The following NDUFA10 variants were observed in gnomAD, a reference collection of about 807,000 sequenced individuals.
NDUFA10 encodes NADH dehydrogenase [ubiquinone] 1 alpha subcomplex subunit 10, mitochondrial.
A neutral mutation model predicts 47.8 loss-of-function variants in NDUFA10; 40 were observed. The observed-to-expected ratio is 0.84, with a 90% CI of 0.65 to 1.09. The LOEUF (loss-of-function observed/expected upper bound fraction) is 1.09. NDUFA10 is among the 50% of genes least tolerant of loss of function. The pLI, the probability that NDUFA10 is intolerant of heterozygous loss-of-function variation, is 0.00. For missense variants in NDUFA10, 413 were observed against 451.1 expected (o/e 0.92, Z 0.76); for synonymous variants, 183 against 172.2 (o/e 1.06, Z -0.49).
At chr2:239,991,829 TAAG>T (rs950048533) in intron 8 of NDUFA10, among the ~76,000 whole-genome samples, 1 of 152,196 alleles carries the variant, frequency 6.6e-6, no homozygotes, top group African/African-American at 2.4e-5. Context: ...TTGAAAAACC[TAAG>T]AAAATGCTAG....
chr2:239,909,786 A>G, intron 4 of NDUFA10, among the ~76,000 whole-genome samples: 1 of 152,226 alleles, frequency 6.6e-6, no homozygotes, highest in East Asian at 1.9e-4. Flanking sequence ...GCACAGCAAA[A>G]GAAACTATCT....
At chr2:239,946,472 C>T (rs1165190956) in intron 4 of NDUFA10, among the ~76,000 whole-genome samples, 3 of 152,240 alleles carry the variant, frequency 2.0e-5, no homozygotes, top group Non-Finnish European at 4.4e-5. Flanking sequence ...GCCCTCCCCG[C>T]AGGCACTGCG....
intron 4 of NDUFA10, among the ~76,000 whole-genome samples, chr2:239,951,232 G>A (rs555290307): frequency 3.9e-5 from 6 of 152,342 alleles, no homozygotes; most frequent in Admixed American, 3.9e-4. Flanking sequence ...TGGGACCCGG[G>A]GTGCCCACAG....
In NDUFA10 at chr2:239,959,331, T is replaced by C. The variant is rs941983829; in HGVS notation, c.*1787A>G. On this transcript the variant is annotated 3_prime_UTR_variant, in exon 10 of 10. Coordinates refer to ENST00000252711, the MANE Select transcript of NDUFA10 (RefSeq NM_004544.4). Reference sequence around the variant, plus strand: ...CCTGCCCTCTCACTGCTGAGGACACTACCCGTGCAACCACCAAGGTTGAAG... The same window carrying C: ...CCTGCCCTCTCACTGCTGAGGACACCACCCGTGCAACCACCAAGGTTGAAG... 2.0e-6 allele frequency: 2 copies of C among 985,376 alleles called. No individual in the cohort carries two copies. Among genetic ancestry groups the C allele is most frequent in the African/African-American group, 1.7e-5 (1 of 57,252 alleles). 61.0% of individuals were successfully genotyped at this position (985,376 alleles called of 1,614,324 possible).
At position 239,919,011 on chromosome 2, in the gene NDUFA10, C is replaced by A. The variant is rs188953935; in HGVS notation, c.295-23697G>T. Among the ~76,000 whole-genome samples, 230 of 152,354 alleles carry A rather than the reference C, an allele frequency of 1.5e-3. 4 individuals are homozygous for A. Among genetic ancestry groups the A allele is most frequent in the African/African-American group, 4.9e-3 (205 of 41,578 alleles). On this transcript the variant is annotated intron_variant, in intron 4 of 5. Transcript: ENST00000419408. The stretch of plus-strand genomic sequence containing the variant: ...CCGGCTGCTTCCACCCCATGAAGGG[C>A]AGACTCCTGACAAGATCTGAAGACA...
chr2:239,953,958 T>G (rs1214155233), downstream of NDUFA10, among the ~76,000 whole-genome samples: 1 of 152,058 alleles, frequency 6.6e-6, no homozygotes, highest in Non-Finnish European at 1.5e-5. Context: ...TGGGCTAGGC[T>G]GAGTGACCGA....
Position 240,022,153 on chromosome 2 carries a change from G to A in NDUFA10, c.244+19C>T. On this transcript the variant is annotated intron_variant, in intron 2 of 9. Coordinates refer to ENST00000252711, the MANE Select transcript of NDUFA10 (RefSeq NM_004544.4). Reference sequence around the variant, plus strand: ...ATATCTGAGAAAAAGGTATCATTCTGTGTAACATAAAATCATACCTAGTTT... The same window carrying A: ...ATATCTGAGAAAAAGGTATCATTCTATGTAACATAAAATCATACCTAGTTT... 6.3e-7 allele frequency: 1 copy of A among 1,594,578 alleles called. No homozygotes were observed. Among genetic ancestry groups the A allele is most frequent in the Non-Finnish European group, 8.6e-7 (1 of 1,162,382 alleles).
At chr2:240,014,557 G>T in intron 5 of NDUFA10, 182 bp downstream of exon 5, 1 of 939,864 alleles carries the variant, frequency 1.1e-6, no homozygotes, top group Non-Finnish European at 1.6e-6. Flanking sequence ...GTGGCACCAG[G>T]CCGAGCCATG....
At chr2:239,932,025 G>A (rs1007548481) in intron 4 of NDUFA10, among the ~76,000 whole-genome samples, 4 of 151,762 alleles carry the variant, frequency 2.6e-5, no homozygotes, top group Non-Finnish European at 5.9e-5. Context: ...TAGTAGAGAC[G>A]GGGTTTCACC....
chr2:240,017,771 A>G (rs1697423827), intron 4 of NDUFA10: 1 of 1,489,920 alleles, frequency 6.7e-7, no homozygotes, highest in African/African-American at 1.4e-5. Context: ...ACACCAGGAC[A>G]CACAAGCAGC....
rs1052917143 is a variant in NDUFA10, at chr2:240,014,976, A to C, written c.548-116T>G. ...CACGCAATTCTCAAAGCCACGTACC[A>C]ATCTACAAACCCTATCTCGGTCACA... On this transcript the variant is annotated intron_variant, in intron 4 of 9. Transcript: ENST00000252711. 5.7e-5 allele frequency: 81 copies of C among 1,432,168 alleles called. 1 individual carries two copies. The South Asian group carries it at 9.4e-4, about 17-fold the overall frequency. The allele number at this position is 1,432,168 out of a possible 1,614,324, so 88.7% of individuals were successfully genotyped here. A position where few individuals can be genotyped will look rare whatever the true frequency, so the allele number is the denominator to read the frequency against.
chr2:239,912,590 C>G (rs1277123035), intron 4 of NDUFA10, among the ~76,000 whole-genome samples: 1 of 55,282 alleles, frequency 1.8e-5, no homozygotes, highest in Non-Finnish European at 3.2e-5. Flanking sequence ...GATGGTGCCA[C>G]GTGGGGCTCA....
intron 4 of NDUFA10, among the ~76,000 whole-genome samples, chr2:239,915,783 T>C (rs989195048): frequency 2.4e-5 from 3 of 125,904 alleles, no homozygotes; most frequent in Admixed American, 7.9e-5. Context: ...CTCAGACACA[T>C]AGAAATATAT....
chr2:239,983,591 C>T, intron 9 of NDUFA10: 1 of 1,593,782 alleles, frequency 6.3e-7, no homozygotes. Context: ...CAGTGGAGAC[C>T]CAGCAAGCAC....
chr2:239,899,961 C>T (rs1002589006), intron 4 of NDUFA10, among the ~76,000 whole-genome samples: 4 of 151,910 alleles, frequency 2.6e-5, no homozygotes, highest in Non-Finnish European at 5.9e-5. Flanking sequence ...GTTATCTTCC[C>T]ATTATCTGGG....
chr2:240,023,600 T>G (rs1402184255), intron 1 of NDUFA10, among the ~76,000 whole-genome samples: 3 of 152,178 alleles, frequency 2.0e-5, no homozygotes, highest in Admixed American at 2.0e-4. Flanking sequence ...AACCCTTAAA[T>G]GTCCAACAAC....
intron 4 of NDUFA10, among the ~76,000 whole-genome samples, chr2:239,922,661 C>T (rs906931659): frequency 1.3e-5 from 2 of 152,206 alleles, no homozygotes; most frequent in Non-Finnish European, 2.9e-5. Flanking sequence ...TCCTTGGGCT[C>T]ATCCCAGCCC....
At chr2:240,007,641 C>A (rs1696996141) in intron 6 of NDUFA10, among the ~76,000 whole-genome samples, 1 of 152,220 alleles carries the variant, frequency 6.6e-6, no homozygotes, top group Non-Finnish European at 1.5e-5. Context: ...TGCCCCCAAG[C>A]CAAGGGCGTG....
chr2:240,014,695 A>C (rs765274872), intron 5 of NDUFA10, 44 bp downstream of exon 5: 1 of 1,613,844 alleles, frequency 6.2e-7, no homozygotes, highest in Admixed American at 1.7e-5. Flanking sequence ...GCTGATCTAC[A>C]TTCAAAATAG....
Sources: gnomAD v4.1 joint callset for allele counts (sites outside exome capture counted in the v4.1 genomes callset) on GRCh38, gnomAD v4.1.1 for gene constraint, MANE v1.5 for transcripts, NCBI Gene and HGNC (gene_info 2026-07-23, HGNC 2026-07-21) for gene names.